The following CAST variants were observed in gnomAD, a reference collection of about 807,000 sequenced individuals.
CAST encodes MIR583 host.
A neutral mutation model predicts 119.6 loss-of-function variants in CAST; 76 were observed. The observed-to-expected ratio is 0.64, with a 90% confidence interval of 0.53 to 0.77. The LOEUF (loss-of-function observed/expected upper bound fraction) is 0.77. Among genes scored for constraint, CAST ranks in the 30% least tolerant of loss-of-function variants. The probability of loss-of-function intolerance (pLI) is 0.00; values close to 1 mark genes in which losing one functional copy is unlikely to be tolerated. For synonymous variants in CAST, 319 were observed against 331.6 expected, an observed-to-expected ratio of 0.96 and a Z score of 0.41; for missense variants, 953 against 946.5, an observed-to-expected ratio of 1.01 and a Z score of -0.09.
chr5:96,138,638 T>TTTTAA, the CAST span, among the ~76,000 whole-genome samples: 1 of 152,056 alleles, frequency 6.6e-6, no homozygotes, highest in Non-Finnish European at 1.5e-5. Context: ...ATGGTTTTTA[T>TTTTAA]TTCTTTCATC....
At chr5:96,117,853 T>G in the CAST span, among the ~76,000 whole-genome samples, 1 of 152,226 alleles carries the variant, frequency 6.6e-6, no homozygotes, top group African/African-American at 2.4e-5. Flanking sequence ...GGAAAAAAAT[T>G]CAGCCTGATG....
the CAST span, among the ~76,000 whole-genome samples, chr5:96,436,394 C>T: frequency 5.9e-5 from 9 of 152,130 alleles, no homozygotes; most frequent in Non-Finnish European, 1.2e-4. Flanking sequence ...TTGGGCAATA[C>T]ATTAAATTGC....
At chr5:96,675,754 G>C in intron 2 of CAST, 153 bp downstream of exon 2, 1 of 557,114 alleles carries the variant, frequency 1.8e-6, no homozygotes, top group South Asian at 2.9e-5. Context: ...GAATATAAAA[G>C]GAAATCACTA....
chr5:96,740,906 TTCTGTGTGTTCA>T, intron 13 of CAST, 123 bp downstream of exon 13: 1 of 701,868 alleles, frequency 1.4e-6, no homozygotes, highest in Non-Finnish European at 2.5e-6. Context: ...CAAATGGAGT[TTCTGTGTGTTCA>T]GAGAAAGGGG....
Position 96,740,089 on chromosome 5 carries a change from A to G in CAST, c.850A>G (p.Ile284Val), listed in dbSNP as rs532263667. ...GGAATTGGGTAAAAGAGAAGTCACA[A>G]TTCCTCCAAAATATAGGGAACTATT... ...IEELGKREVT[I>V]PPKYRELLAK... is the part of the protein sequence containing the mutation. The change falls in exon 12 of 32, where the codon ATT (isoleucine) becomes GTT (valine). Residue 284 changes from isoleucine (I) to valine (V), a missense_variant. By Grantham distance (29) the Ile-to-Val change is conservative. Transcript: ENST00000675179. The G allele has an allele frequency of 5.2e-5, 81 of 1,567,564 alleles. No homozygotes were observed. The highest frequency in any genetic ancestry group is 2.5e-4 in the South Asian group (22 of 86,864).
At chr5:96,349,664 T>C in the CAST span, among the ~76,000 whole-genome samples, 2 of 152,136 alleles carry the variant, frequency 1.3e-5, no homozygotes, top group Non-Finnish European at 2.9e-5. Flanking sequence ...CCTAAGAAGG[T>C]GCATTGGAAA....
chr5:96,246,238 A>T, the CAST span, among the ~76,000 whole-genome samples: 1 of 114,340 alleles, frequency 8.7e-6, no homozygotes, highest in Admixed American at 1.4e-4. Flanking sequence ...GCTGGAGTGC[A>T]GTGGCACGAT....
At chr5:96,539,956 T>G (rs1005992187) in intron 1 of CAST, among the ~76,000 whole-genome samples, 1 of 152,186 alleles carries the variant, frequency 6.6e-6, no homozygotes, top group Non-Finnish European at 1.5e-5. Context: ...GATTTTATTT[T>G]TTCTTCTTTG....
intron 3 of CAST, among the ~76,000 whole-genome samples, chr5:96,700,219 T>C (rs748084817): frequency 1.1e-4 from 16 of 152,226 alleles, no homozygotes; most frequent in Non-Finnish European, 1.6e-4. Flanking sequence ...AAAGCGTTTT[T>C]ATTTTAATAA....
chr5:96,631,218 A>G lies in CAST; in HGVS notation c.61-44321A>G, dbSNP rs1013535963. ...CACTATCTAACTCCAGAACATTTTCATCACCCCAAAAAGGACACTAGGACC... is the reference window on the plus strand; with the variant it reads ...CACTATCTAACTCCAGAACATTTTCGTCACCCCAAAAAGGACACTAGGACC... On this transcript the variant is annotated intron_variant, in intron 1 of 11. Coordinates refer to the CAST transcript ENST00000505143. 2 of 140,908 alleles carry G rather than the reference A, an allele frequency of 1.4e-5. 1 individual carries two copies. Among genetic ancestry groups the G allele is most frequent in the African/African-American group, 5.0e-5 (2 of 39,838 alleles). 8.7% of individuals were successfully genotyped at this position (140,908 alleles called of 1,614,324 possible).
At chr5:95,962,287 A>G in the CAST span, among the ~76,000 whole-genome samples, 4 of 152,202 alleles carry the variant, frequency 2.6e-5, no homozygotes, top group African/African-American at 9.6e-5. Flanking sequence ...CACCTCCACT[A>G]TGTAAGGGGA....
At chr5:96,351,777 A>G in the CAST span, among the ~76,000 whole-genome samples, 1 of 152,156 alleles carries the variant, frequency 6.6e-6, no homozygotes, top group African/African-American at 2.4e-5. Flanking sequence ...ATGTTTAACT[A>G]TATACTGCTA....
At chr5:96,710,730 A>G (rs576878292) in intron 3 of CAST, among the ~76,000 whole-genome samples, 13 of 152,304 alleles carry the variant, frequency 8.5e-5, no homozygotes, top group Admixed American at 7.8e-4. Flanking sequence ...AATGATTAGA[A>G]TTAGAGATCC....
chr5:96,396,099 C>CT, the CAST span, among the ~76,000 whole-genome samples: 4 of 151,828 alleles, frequency 2.6e-5, no homozygotes, highest in East Asian at 5.8e-4. Context: ...TAAGAACATT[C>CT]TTTTTTTGCT....
At chr5:96,093,484 T>C in the CAST span, among the ~76,000 whole-genome samples, 16 of 152,192 alleles carry the variant, frequency 1.1e-4, no homozygotes, top group Admixed American at 1.0e-3. Context: ...TGTTCATGGG[T>C]GCCTGGCGAG....
At chr5:96,380,380 G>A in the CAST span, among the ~76,000 whole-genome samples, 1 of 152,146 alleles carries the variant, frequency 6.6e-6, no homozygotes, top group Admixed American at 6.6e-5. Context: ...GATGAAATGT[G>A]AAGTTTATAT....
At chr5:96,755,919 C>T (rs914690779) in intron 22 of CAST, among the ~76,000 whole-genome samples, 9 of 152,246 alleles carry the variant, frequency 5.9e-5, no homozygotes, top group Middle Eastern at 3.4e-3. Context: ...AGAGGCTGGT[C>T]AAGTGCAGGT....
chr5:96,772,495 C>G (rs1400055294), intron 31 of CAST, 145 bp from the exon 32 acceptor site: 1 of 152,540 alleles, frequency 6.6e-6, no homozygotes, highest in Non-Finnish European at 1.5e-5. Context: ...AAAAAAAATT[C>G]TATTAATCCA....
At chr5:96,613,635 C>T (rs1048497525) in intron 1 of CAST, among the ~76,000 whole-genome samples, 2 of 151,402 alleles carry the variant, frequency 1.3e-5, no homozygotes, top group Non-Finnish European at 2.9e-5. Context: ...CCAATCCATA[C>T]TCTGTCTTCT....
Sources: allele counts gnomAD v4.1 joint callset (sites outside exome capture counted in the v4.1 genomes callset), GRCh38; gene constraint gnomAD v4.1.1; transcripts MANE v1.5; gene names NCBI Gene and HGNC (gene_info 2026-07-23, HGNC 2026-07-21).